ATXN2: variants seen among roughly 807,000 people sequenced by gnomAD.
ATXN2 encodes the protein ataxin 2, also known as ataxin-2.
A neutral mutation model predicts 138.6 loss-of-function variants in ATXN2; 37 were observed. That is an observed-to-expected ratio of 0.27 (90% CI 0.21 to 0.35). The LOEUF is 0.35. Ranked by LOEUF, ATXN2 falls within the 10% of genes least tolerant of loss-of-function variation. The pLI is 1.00. For synonymous variants in ATXN2, 549 were observed against 543.7 expected (o/e 1.01, Z -0.13); for missense variants, 1,216 against 1,480.3 (o/e 0.82, Z 2.93).
chr12:111,485,941 C>T lies in ATXN2; in HGVS notation c.2305-76G>A, dbSNP rs1046794523. The T allele has an allele frequency of 2.4e-5, 34 of 1,423,122 alleles. No homozygotes were observed. In the African/African-American group the frequency reaches 2.7e-4, roughly 11 times the overall value. The allele number at this position is 1,423,122 out of a possible 1,614,324, so 88.2% of individuals were successfully genotyped here. On this transcript the variant is annotated intron_variant, in intron 16 of 24. Coordinates refer to ENST00000673436, the MANE Select transcript of ATXN2 (RefSeq NM_001372574.1). ...TATTGCAATTTAAAGACGGATTTTC[C>T]CAGTCTTTCTAATTTTACTTGCTTT...
rs56313374 is a variant in ATXN2 at position 111,545,962 on chromosome 12, G to GAA, written c.571+6316_571+6317dup. 7.5e-4 allele frequency among the ~76,000 whole-genome samples: 71 copies of GAA among 94,838 alleles called. 1 individual carries two copies. The highest frequency in any genetic ancestry group is 1.7e-3 in the African/African-American group (44 of 26,440). The allele number at this position is 94,838 out of a possible 152,430, so 62.2% of individuals were successfully genotyped here. ...CCTGGGCAACAGAGCAAGATCATCT[G>GAA]AAAAAAAAAAAAAAAAAGATGGCAC... On this transcript the variant is annotated intron_variant, in intron 5 of 24. Coordinates refer to ENST00000673436, the MANE Select transcript of ATXN2 (RefSeq NM_001372574.1).
At chr12:111,466,500 CA>C (rs1451977563) in intron 20 of ATXN2, among the ~76,000 whole-genome samples, 1 of 151,908 alleles carries the variant, frequency 6.6e-6, no homozygotes, top group East Asian at 1.9e-4. Context: ...GACTCCATCT[CA>C]AAAAAAGAGA....
At chr12:111,555,074 C>T (rs1296468195) in intron 2 of ATXN2, among the ~76,000 whole-genome samples, 1 of 152,034 alleles carries the variant, frequency 6.6e-6, no homozygotes, top group Non-Finnish European at 1.5e-5. Context: ...TAGTTTCTGC[C>T]CTTCATGTCC....
intron 5 of ATXN2, 121 bp from the exon 6 acceptor site, chr12:111,525,437 T>A: frequency 1.7e-6 from 2 of 1,170,106 alleles, no homozygotes; most frequent in Non-Finnish European, 2.3e-6. Flanking sequence ...TTTCACATAA[T>A]TGTTTAACTT....
chr12:111,554,908 A>G (rs1372479414), intron 2 of ATXN2, among the ~76,000 whole-genome samples: 1 of 152,190 alleles, frequency 6.6e-6, no homozygotes, highest in Non-Finnish European at 1.5e-5. Flanking sequence ...GCATATCAGC[A>G]TCAGTGACAG....
chr12:111,509,426 C>G, intron 14 of ATXN2, 123 bp downstream of exon 14: 1 of 628,048 alleles, frequency 1.6e-6, no homozygotes, highest in South Asian at 1.8e-5. Flanking sequence ...TAAAAATGTT[C>G]TGCTTTCTAC....
intron 1 of ATXN2, among the ~76,000 whole-genome samples, chr12:111,590,722 G>A (rs988110789): frequency 1.3e-5 from 2 of 151,426 alleles, no homozygotes; most frequent in Non-Finnish European, 2.9e-5. Flanking sequence ...GAACCAGACT[G>A]CACAACAGGA....
chr12:111,488,911 A>C (rs1487856722), intron 14 of ATXN2, 131 bp from the exon 15 acceptor site: 5 of 776,794 alleles, frequency 6.4e-6, no homozygotes, highest in Non-Finnish European at 1.0e-5. Flanking sequence ...TCATACTTTA[A>C]GAGTAATGCT....
At chr12:111,566,207 C>A (rs1008365350) in intron 1 of ATXN2, among the ~76,000 whole-genome samples, 2 of 151,998 alleles carry the variant, frequency 1.3e-5, no homozygotes, top group Non-Finnish European at 2.9e-5. Context: ...CCGAGGCAGG[C>A]AGATCACCTG....
chr12:111,524,083 TG>T (rs1880341032), intron 6 of ATXN2, among the ~76,000 whole-genome samples: 1 of 152,238 alleles, frequency 6.6e-6, no homozygotes, highest in Non-Finnish European at 1.5e-5. Flanking sequence ...TCACCAATAG[TG>T]TAAAAGAAGT....
chr12:111,599,148 G>A lies in ATXN2; in HGVS notation c.-114C>T, dbSNP rs1338880349. ...GCGCGGGCGCCGAGCGGGGAGGCGC[G>A]GGTTGGCGCGGCCGGAGGGGCGCCC... is the stretch of plus-strand genomic sequence containing the variant. On this transcript the variant is annotated 5_prime_UTR_variant, in exon 1 of 25. Coordinates refer to ENST00000673436, the MANE Select transcript of ATXN2 (RefSeq NM_001372574.1). 2 of 1,213,066 alleles carry A rather than the reference G, an allele frequency of 1.6e-6. No individual in the cohort carries two copies. Among genetic ancestry groups the A allele is most frequent in the Non-Finnish European group, 2.0e-6 (2 of 976,726 alleles). 75.1% of individuals were successfully genotyped at this position (1,213,066 alleles called of 1,614,324 possible).
chr12:111,479,231 A>T (rs1209845710), intron 18 of ATXN2: 1 of 277,328 alleles, frequency 3.6e-6, no homozygotes, highest in Non-Finnish European at 6.6e-6. Context: ...TGGTATAATC[A>T]TAAAATGAAA....
At chr12:111,529,651 C>CA (rs763794406) in intron 5 of ATXN2, among the ~76,000 whole-genome samples, 116 of 152,232 alleles carry the variant, frequency 7.6e-4, no homozygotes, top group Non-Finnish European at 1.3e-3. Flanking sequence ...ATGTCTCGAC[C>CA]AACGTGTGAA....
At chr12:111,580,893 C>A (rs1324576924) in intron 1 of ATXN2, among the ~76,000 whole-genome samples, 1 of 152,100 alleles carries the variant, frequency 6.6e-6, no homozygotes, top group Non-Finnish European at 1.5e-5. Flanking sequence ...ATAATCCCAG[C>A]ACTGGGAGGC....
At chr12:111,591,989 G>A (rs1252791989) in intron 1 of ATXN2, among the ~76,000 whole-genome samples, 1 of 151,856 alleles carries the variant, frequency 6.6e-6, no homozygotes, top group Non-Finnish European at 1.5e-5. Context: ...GGCTGAGGCA[G>A]GAGAATCGCT....
rs1488940040 is a variant in ATXN2, at chr12:111,585,316, C to T, written c.251+13468G>A. 4.6e-5 allele frequency among the ~76,000 whole-genome samples: 7 copies of T among 151,668 alleles called. 1 individual carries two copies. Among genetic ancestry groups the T allele is most frequent in the Admixed American group, 2.6e-4 (4 of 15,178 alleles). ...TCATCTGAGGTCAGGAGTTCAAGAC[C>T]GGCCTGGCCAATATGGCAAAACCCC... On this transcript the variant is annotated intron_variant, in intron 1 of 24. Transcript: ENST00000673436.
intron 14 of ATXN2, among the ~76,000 whole-genome samples, chr12:111,493,657 C>G (rs1878202407): frequency 6.6e-6 from 1 of 150,414 alleles, no homozygotes; most frequent in Admixed American, 6.6e-5. Context: ...GAGACAGAGT[C>G]TTGCTCTGCT....
chr12:111,549,955 G>A (rs1303306830), intron 5 of ATXN2, among the ~76,000 whole-genome samples: 3 of 151,578 alleles, frequency 2.0e-5, no homozygotes, highest in East Asian at 3.9e-4. Context: ...CCAGCTACTC[G>A]GGAGGCTGAG....
intron 18 of ATXN2, among the ~76,000 whole-genome samples, chr12:111,482,361 ATTGT>A (rs1343468038): frequency 6.6e-6 from 1 of 151,398 alleles, no homozygotes; most frequent in Non-Finnish European, 1.5e-5. Flanking sequence ...CGCTCAGCTA[ATTGT>A]TTGTATTTTT....
Sources: gnomAD v4.1 joint callset for allele counts (sites outside exome capture counted in the v4.1 genomes callset) on GRCh38, gnomAD v4.1.1 for gene constraint, MANE v1.5 for transcripts, NCBI Gene and HGNC (gene_info 2026-07-23, HGNC 2026-07-21) for gene names.